Variants in WDR37 observed in about 807,000 individuals in gnomAD.
The protein encoded by WDR37 is WD repeat-containing protein 37.
WDR37 carries 19 observed loss-of-function variants against 62.9 expected under a neutral mutation model. The observed-to-expected ratio is 0.30, with a 90% CI of 0.21 to 0.44. The LOEUF is 0.44. WDR37 is among the 20% of genes least tolerant of loss of function. The pLI, the probability that WDR37 is intolerant of heterozygous loss-of-function variation, is 1.00. For missense variants in WDR37, 474 were observed against 657.6 expected (o/e 0.72, Z 3.05); for synonymous variants, 250 against 260.9 (o/e 0.96, Z 0.40).
intron 1 of WDR37, among the ~76,000 whole-genome samples, chr10:1,060,481 A>G (rs769427872): frequency 2.0e-5 from 3 of 152,382 alleles, no homozygotes; most frequent in Non-Finnish European, 4.4e-5. Flanking sequence ...CCAGAAGGAC[A>G]TTTAATCTCC....
At chr10:1,085,359 GT>G (rs1453109938) in intron 6 of WDR37, among the ~76,000 whole-genome samples, 1 of 152,204 alleles carries the variant, frequency 6.6e-6, no homozygotes, top group Non-Finnish European at 1.5e-5. Context: ...TTGAGGGACA[GT>G]AGTTTGGTAC....
intron 11 of WDR37, among the ~76,000 whole-genome samples, chr10:1,123,534 T>TA (rs2131691755): frequency 6.6e-6 from 1 of 152,316 alleles, no homozygotes; most frequent in Admixed American, 6.5e-5. Flanking sequence ...TAGCACGTGT[T>TA]AGAGTTTCTT....
At chr10:1,078,847 A>T (rs1353406023) in intron 3 of WDR37, among the ~76,000 whole-genome samples, 4 of 152,224 alleles carry the variant, frequency 2.6e-5, no homozygotes, top group African/African-American at 9.6e-5. Context: ...TGTAACTACA[A>T]TCAAGTCTTT....
rs1159246875 is a variant in WDR37, at chr10:1,124,861, TAC to T, written c.1239-47_1239-46del. 10 of 1,601,682 alleles carry T rather than the reference TAC, an allele frequency of 6.2e-6. No homozygotes were observed. In the African/African-American group the frequency reaches 1.2e-4, roughly 19 times the overall value. ...TTCATTATCTGTCAACTCAAAAACT[TAC>T]AGTGTCACTGTTTCATGCACAACCC... On this transcript the variant is annotated intron_variant, in intron 12 of 13. Coordinates refer to ENST00000263150, the MANE Select transcript of WDR37 (RefSeq NM_014023.4).
chr10:1,102,838 GTC>G (rs1159451500), intron 9 of WDR37, among the ~76,000 whole-genome samples: 1 of 152,022 alleles, frequency 6.6e-6, no homozygotes. Flanking sequence ...TGTGTGTGTG[GTC>G]TCTCTCTTTT....
At chr10:1,110,470 C>T (rs941811894) in intron 11 of WDR37, among the ~76,000 whole-genome samples, 4 of 152,244 alleles carry the variant, frequency 2.6e-5, no homozygotes, top group African/African-American at 4.8e-5. Context: ...CAAATAAAAC[C>T]TACAGAGTGC....
chr10:1,116,215 C>G (rs1835391430), intron 11 of WDR37, among the ~76,000 whole-genome samples: 1 of 151,570 alleles, frequency 6.6e-6, no homozygotes, highest in Non-Finnish European at 1.5e-5. Flanking sequence ...TCTGCCCTGT[C>G]CATCAGTCCT....
At chr10:1,104,874 T>C (rs1834953609) in intron 10 of WDR37, among the ~76,000 whole-genome samples, 1 of 152,210 alleles carries the variant, frequency 6.6e-6, no homozygotes, top group Admixed American at 6.5e-5. Flanking sequence ...TGCCTGACCT[T>C]CTAACTGGTA....
At chr10:1,108,520 G>A (rs1359101983) in intron 11 of WDR37, among the ~76,000 whole-genome samples, 5 of 152,194 alleles carry the variant, frequency 3.3e-5, no homozygotes, top group African/African-American at 9.7e-5. Flanking sequence ...ATAGCGAAGC[G>A]ACACTATTCT....
chr10:1,093,768 C>CTGT (rs1321911562), intron 8 of WDR37, among the ~76,000 whole-genome samples: 1 of 152,184 alleles, frequency 6.6e-6, no homozygotes, highest in Non-Finnish European at 1.5e-5. Context: ...AGTATGTTTG[C>CTGT]TGCTCCCCCC....
At chr10:1,098,021 T>A (rs766816271) in intron 9 of WDR37, among the ~76,000 whole-genome samples, 4 of 152,138 alleles carry the variant, frequency 2.6e-5, no homozygotes, top group African/African-American at 4.8e-5. Flanking sequence ...CTTCTGGGGC[T>A]GTTGGGATGG....
chr10:1,074,256 T>C, intron 2 of WDR37: 6 of 1,062,598 alleles, frequency 5.6e-6, no homozygotes, highest in Non-Finnish European at 7.2e-6. Flanking sequence ...CCTGCTGGCA[T>C]GTTCTAGAGT....
intron 1 of WDR37, among the ~76,000 whole-genome samples, chr10:1,059,373 T>G (rs908149020): frequency 6.6e-6 from 1 of 152,162 alleles, no homozygotes; most frequent in African/African-American, 2.4e-5. Context: ...CGAGATTCTG[T>G]GTCAAAAAGA....
chr10:1,089,007 G>C (rs547520473), intron 7 of WDR37, among the ~76,000 whole-genome samples: 56 of 152,304 alleles, frequency 3.7e-4, no homozygotes, highest in Non-Finnish European at 5.9e-4. Context: ...TGACTTAAGG[G>C]TTGGTGGCCG....
rs1204851161 is a variant in WDR37 at position 1,093,555 on chromosome 10, ATATTCCT to A, written c.649+61_649+67del. On this transcript the variant is annotated intron_variant, in intron 8 of 13. Coordinates refer to ENST00000263150, the MANE Select transcript of WDR37 (RefSeq NM_014023.4). ...ATAGATGGTCTTAAAACAACTATAA[ATATTCCT>A]TTCTTATCGTAGCAGAATAATCCAT... is the stretch of plus-strand genomic sequence containing the variant. 1.3e-5 allele frequency: 17 copies of A among 1,346,264 alleles called. No homozygotes were observed. The Admixed American group carries it at 2.7e-4, about 22-fold the overall frequency. 83.4% of individuals were successfully genotyped at this position (1,346,264 alleles called of 1,614,324 possible). A position where few individuals can be genotyped will look rare whatever the true frequency, so the allele number is the denominator to read the frequency against.
rs1835194103 is a variant in WDR37, at chr10:1,110,870, A to G, written c.1103+5603A>G. Among the ~76,000 whole-genome samples, 5 of 152,322 alleles carry G rather than the reference A, an allele frequency of 3.3e-5. No individual in the cohort carries two copies. In the South Asian group the frequency reaches 8.3e-4, roughly 25 times the overall value. ...GGGCCTGGCACCCTGATAGGTGGGA[A>G]TGTTGGCCCAGGGCCGGGCCTGAGG... On this transcript the variant is annotated intron_variant, in intron 11 of 13. Coordinates refer to ENST00000263150, the MANE Select transcript of WDR37 (RefSeq NM_014023.4).
rs916046990 is a variant in WDR37, at chr10:1,072,194, A to C, written c.39A>C (p.Gln13His). 2 of 1,614,200 alleles carry C rather than the reference A, an allele frequency of 1.2e-6. No individual in the cohort carries two copies. The highest frequency in any genetic ancestry group is 8.5e-7 in the Non-Finnish European group (1 of 1,180,032). Residue 13 changes from glutamine to histidine, a missense_variant, in exon 2 of 14, where the codon CAA (glutamine) becomes CAC (histidine). By Grantham distance (24) the Gln-to-His change is conservative (BLOSUM62 0). Transcript: ENST00000263150. ...GCGCAAGTTGTTCGACTGCTCGCCA[A>C]ACAAAACAGAAGCGCAAATCCCATA... ...TESASCSTAR[Q>H]TKQKRKSHSL... is the part of the protein sequence containing the mutation.
chr10:1,120,857 G>C (rs1349139229), intron 11 of WDR37, among the ~76,000 whole-genome samples: 7 of 152,260 alleles, frequency 4.6e-5, no homozygotes, highest in Non-Finnish European at 7.3e-5. Flanking sequence ...CTGTGTCTCT[G>C]TGTGACTGGG....
Position 1,085,779 on chromosome 10 carries a change from C to T in WDR37, c.533-507C>T, listed in dbSNP as rs28660586. On this transcript the variant is annotated intron_variant, in intron 6 of 13. Coordinates refer to ENST00000263150, the MANE Select transcript of WDR37 (RefSeq NM_014023.4). ...ATAAAAAGGTCCTTTCTGATATTTC[C>T]GAAATTTCATTTGGCTAATTGGTGC... 9.5e-3 allele frequency among the ~76,000 whole-genome samples: 1,440 copies of T among 152,206 alleles called. 25 individuals are homozygous for T. The highest frequency in any genetic ancestry group is 0.032 in the African/African-American group (1,315 of 41,530).
Sources: gnomAD v4.1 joint callset for allele counts (sites outside exome capture counted in the v4.1 genomes callset) on GRCh38, gnomAD v4.1.1 for gene constraint, MANE v1.5 for transcripts, NCBI Gene and HGNC (gene_info 2026-07-23, HGNC 2026-07-21) for gene names.